Variants in TENT5D observed in about 807,000 individuals in gnomAD.
TENT5D encodes terminal nucleotidyltransferase 5D, also known as cancer/testis antigen 112.
For missense variants in TENT5D, 191 were observed against 287.0 expected, an observed-to-expected ratio of 0.67 and a Z score of 2.42; for synonymous variants, 103 against 100.6, an observed-to-expected ratio of 1.02 and a Z score of -0.15.
At chrX:80,344,494 T>C (rs1040936164) in intron 3 of TENT5D, among the ~76,000 whole-genome samples, 3 of 110,597 alleles carry the variant, frequency 2.7e-5, no homozygotes, top group African/African-American at 9.9e-5. Flanking sequence ...ATAATAGCCA[T>C]ACTGACTGGC....
At chrX:80,381,996 C>T (rs139209213) in intron 3 of TENT5D, among the ~76,000 whole-genome samples, 3,335 of 112,048 alleles carry the variant, frequency 0.03, 57 homozygotes, top group Non-Finnish European at 0.044. Context: ...AGCTTTATTC[C>T]GTTGCTGGCG....
chrX:80,419,833 C>T (rs1159417431), upstream of TENT5D, among the ~76,000 whole-genome samples: 4 of 111,502 alleles, frequency 3.6e-5, no homozygotes, highest in Admixed American at 9.5e-5. Flanking sequence ...ACCTCAGCCT[C>T]CTGAGTAGCT....
chrX:80,363,727 T>C (rs1930453161), intron 3 of TENT5D, among the ~76,000 whole-genome samples: 1 of 112,067 alleles, frequency 8.9e-6, no homozygotes, highest in Non-Finnish European at 1.9e-5. Context: ...ATCTGTTCTC[T>C]AAAGTTGTAG....
At chrX:80,373,808 T>C (rs961207971) in intron 3 of TENT5D, among the ~76,000 whole-genome samples, 1 of 111,685 alleles carries the variant, frequency 9.0e-6, no homozygotes, top group African/African-American at 3.2e-5. Flanking sequence ...ATATTTCATG[T>C]ATATTTTTTA....
intron 3 of TENT5D, among the ~76,000 whole-genome samples, chrX:80,343,066 G>T (rs913883002): frequency 9.0e-6 from 1 of 111,115 alleles, no homozygotes; most frequent in African/African-American, 3.3e-5. Flanking sequence ...CCCAGAATAG[G>T]ATCTACAGGA....
intron 1 of TENT5D, among the ~76,000 whole-genome samples, chrX:80,421,519 G>A (rs913424915): frequency 4.5e-5 from 5 of 112,285 alleles, no homozygotes; most frequent in African/African-American, 1.6e-4. Flanking sequence ...CCTTAAGAGT[G>A]AAGTTACCTT....
At chrX:80,426,033 T>A (rs940915968) in intron 1 of TENT5D, among the ~76,000 whole-genome samples, 95 of 109,541 alleles carry the variant, frequency 8.7e-4, no homozygotes, top group African/African-American at 2.9e-3. Context: ...TCTCAAAAAA[T>A]AATAATAATA....
chrX:80,440,171 T>C (rs1932256493), intron 2 of TENT5D, among the ~76,000 whole-genome samples: 1 of 111,736 alleles, frequency 8.9e-6, no homozygotes, highest in Non-Finnish European at 1.9e-5. Flanking sequence ...AGCTTGTAGG[T>C]AATTGAAAAG....
intron 3 of TENT5D, among the ~76,000 whole-genome samples, chrX:80,382,347 G>T (rs1293506337): frequency 9.0e-6 from 1 of 111,559 alleles, no homozygotes; most frequent in East Asian, 2.8e-4. Flanking sequence ...TCCTCTGGAA[G>T]CTTTGTCTCA....
chrX:80,373,964 T>C (rs1174858174), intron 3 of TENT5D, among the ~76,000 whole-genome samples: 2 of 111,311 alleles, frequency 1.8e-5, no homozygotes, highest in South Asian at 3.8e-4. Context: ...TGATTAGTTA[T>C]TTTCCTGTAG....
intron 3 of TENT5D, among the ~76,000 whole-genome samples, chrX:80,354,213 CAG>C (rs1930240605): frequency 1.8e-5 from 2 of 111,336 alleles, no homozygotes; most frequent in South Asian, 3.8e-4. Context: ...TGGTATCTCA[CAG>C]GGGTTCTTTA....
upstream of TENT5D, among the ~76,000 whole-genome samples, chrX:80,417,447 T>G (rs1047295310): frequency 5.4e-5 from 6 of 110,101 alleles, no homozygotes; most frequent in Non-Finnish European, 1.1e-4. Context: ...ATAGTTTTTT[T>G]TTTTTTTTTT....
intron 3 of TENT5D, among the ~76,000 whole-genome samples, chrX:80,369,928 T>A (rs1448383101): frequency 1.8e-5 from 2 of 110,042 alleles, no homozygotes; most frequent in Admixed American, 2.0e-4. Flanking sequence ...ATTTTTATTT[T>A]TATTTTTTAG....
At chrX:80,341,980 G>A (rs1385424441) in intron 2 of TENT5D, among the ~76,000 whole-genome samples, 1 of 110,089 alleles carries the variant, frequency 9.1e-6, no homozygotes, top group African/African-American at 3.3e-5. Context: ...CAAAGTGCTG[G>A]GACTACAGGC....
At chrX:80,358,310 CA>C (rs1930331103) in intron 3 of TENT5D, among the ~76,000 whole-genome samples, 1 of 111,408 alleles carries the variant, frequency 9.0e-6, no homozygotes, top group South Asian at 3.7e-4. Flanking sequence ...CCAAAATTGA[CA>C]AATGGGATCT....
At chrX:80,417,992 G>A (rs1931809377), upstream of TENT5D, among the ~76,000 whole-genome samples, 1 of 110,644 alleles carries the variant, frequency 9.0e-6, no homozygotes, top group African/African-American at 3.3e-5. Flanking sequence ...ATTTCTTGGA[G>A]GTTTTATTTA....
intron 3 of TENT5D, among the ~76,000 whole-genome samples, chrX:80,369,143 G>C (rs1257220711): frequency 8.9e-6 from 1 of 111,734 alleles, no homozygotes; most frequent in East Asian, 2.8e-4. Context: ...CAAGTGACTT[G>C]AGGGCTTAGA....
chrX:80,356,568 AC>A (rs1930289277), intron 3 of TENT5D, among the ~76,000 whole-genome samples: 1 of 111,315 alleles, frequency 9.0e-6, no homozygotes, highest in East Asian at 2.8e-4. Context: ...ATTAGTTAGA[AC>A]ACCCTTCTTG....
upstream of TENT5D, among the ~76,000 whole-genome samples, chrX:80,416,057 A>G (rs1931766247): frequency 9.1e-6 from 1 of 109,617 alleles, no homozygotes; most frequent in Admixed American, 9.7e-5. Context: ...CAGTTATTCT[A>G]GGTTTTCTAG....
Sources: allele counts gnomAD v4.1 joint callset (sites outside exome capture counted in the v4.1 genomes callset), GRCh38; gene constraint gnomAD v4.1.1; transcripts MANE v1.5; gene names NCBI Gene and HGNC (gene_info 2026-07-23, HGNC 2026-07-21).